Variants in CREB5 observed in about 807,000 individuals in gnomAD.
CREB5 encodes the protein cyclic AMP-responsive element-binding protein 5.
Under a neutral mutation model 57.1 loss-of-function variants are expected in CREB5, and 19 were observed. The ratio of observed to expected loss-of-function variants is 0.33; its 90% CI spans 0.23 to 0.49. The LOEUF (loss-of-function observed/expected upper bound fraction) is 0.49. CREB5 is among the 20% of genes least tolerant of loss of function. The probability of loss-of-function intolerance (pLI) is 0.99; values close to 1 mark genes in which losing one functional copy is unlikely to be tolerated. For synonymous variants in CREB5, 238 were observed against 238.3 expected (o/e 1.00, Z 0.01); for missense variants, 579 against 671.6 (o/e 0.86, Z 1.52).
chr7:28,768,311 C>CACTT (rs1342349497), intron 7 of CREB5, among the ~76,000 whole-genome samples: 1 of 152,088 alleles, frequency 6.6e-6, no homozygotes, highest in Non-Finnish European at 1.5e-5. Context: ...CAATTGGAGG[C>CACTT]ACTTACACCC....
intron 3 of CREB5, among the ~76,000 whole-genome samples, chr7:28,503,554 C>G (rs1292781709): frequency 6.6e-6 from 1 of 151,976 alleles, no homozygotes; most frequent in Non-Finnish European, 1.5e-5. Flanking sequence ...GGCCATGATT[C>G]ATAGAGAGGT....
intron 3 of CREB5, among the ~76,000 whole-genome samples, chr7:28,500,092 C>T (rs762484981): frequency 6.6e-6 from 1 of 152,196 alleles, no homozygotes; most frequent in African/African-American, 2.4e-5. Context: ...TTAATTGCTG[C>T]GTTGAACAAG....
chr7:28,317,389 T>A (rs1394154851), intron 1 of CREB5, among the ~76,000 whole-genome samples: 1 of 152,176 alleles, frequency 6.6e-6, no homozygotes, highest in African/African-American at 2.4e-5. Flanking sequence ...ACCTGGGGTA[T>A]CCCATAAACT....
At position 28,369,454 on chromosome 7, in the gene CREB5, C is replaced by G. The variant is rs112082271; in HGVS notation, c.-25+70013C>G. Among the ~76,000 whole-genome samples, 378 of 150,538 alleles carry G rather than the reference C, an allele frequency of 2.5e-3. 1 individual carries two copies. Among genetic ancestry groups the G allele is most frequent in the African/African-American group, 8.5e-3 (353 of 41,476 alleles). On this transcript the variant is annotated intron_variant, in intron 1 of 9. Transcript: ENST00000396299. Reference sequence around the variant, plus strand: ...ACCCCTGAGCTGTCAGTGTCCAGCTCTACGGACATTGTGGGCAAGTCACAT... The same window carrying G: ...ACCCCTGAGCTGTCAGTGTCCAGCTGTACGGACATTGTGGGCAAGTCACAT...
intron 2 of CREB5, among the ~76,000 whole-genome samples, chr7:28,490,774 T>C (rs1562753076): frequency 6.6e-6 from 1 of 152,268 alleles, no homozygotes; most frequent in Non-Finnish European, 1.5e-5. Context: ...TGGTTGAGAA[T>C]GACTACCCTC....
intron 5 of CREB5, among the ~76,000 whole-genome samples, chr7:28,703,323 G>C (rs904697360): frequency 1.3e-5 from 2 of 152,110 alleles, no homozygotes; most frequent in Non-Finnish European, 2.9e-5. Context: ...ATGATTAGAA[G>C]TACAAGATGA....
At chr7:28,619,402 C>T (rs2128684066) in intron 5 of CREB5, among the ~76,000 whole-genome samples, 1 of 152,348 alleles carries the variant, frequency 6.6e-6, no homozygotes, top group East Asian at 1.9e-4. Flanking sequence ...GGACAAATGT[C>T]TTCTCTTTTA....
chr7:28,749,916 T>A (rs1191641557), intron 7 of CREB5, among the ~76,000 whole-genome samples: 1 of 149,138 alleles, frequency 6.7e-6, no homozygotes. Flanking sequence ...GACATCATTC[T>A]TGGCAACTGA....
chr7:28,637,986 T>C (rs1218164872), intron 5 of CREB5, among the ~76,000 whole-genome samples: 3 of 152,180 alleles, frequency 2.0e-5, no homozygotes, highest in Non-Finnish European at 4.4e-5. Context: ...TCGTTTTTGG[T>C]GACTTAATAT....
rs2299112 is a variant in CREB5 at position 28,774,548 on chromosome 7, T to C, written c.703-29651T>C. On this transcript the variant is annotated intron_variant, in intron 7 of 10. Transcript: ENST00000357727. ...ACTGTTGCCATATGGTATTACATAA[T>C]TATTTTCCCTTTAGGTATAATTACA... is the stretch of plus-strand genomic sequence containing the variant. 1.3e-3 allele frequency among the ~76,000 whole-genome samples: 199 copies of C among 152,376 alleles called. 3 individuals carry two copies. In the East Asian group the frequency reaches 0.032, roughly 24 times the overall value.
At chr7:28,496,062 T>C (rs1286036310) in intron 3 of CREB5, among the ~76,000 whole-genome samples, 1 of 152,226 alleles carries the variant, frequency 6.6e-6, no homozygotes, top group East Asian at 1.9e-4. Flanking sequence ...TTGAACCTTT[T>C]TGGGCTTCAG....
intron 1 of CREB5, among the ~76,000 whole-genome samples, chr7:28,455,831 A>G (rs999169768): frequency 1.3e-5 from 2 of 152,220 alleles, no homozygotes; most frequent in African/African-American, 4.8e-5. Context: ...GCTCTGGCCA[A>G]GAGGGTTGGG....
intron 5 of CREB5, among the ~76,000 whole-genome samples, chr7:28,612,541 G>GA (rs1797430244): frequency 8.4e-6 from 1 of 118,660 alleles, no homozygotes; most frequent in Non-Finnish European, 1.7e-5. Flanking sequence ...ATTTAGAGAA[G>GA]GGGTGTGTGT....
chr7:28,557,595 G>A (rs1247450167), intron 4 of CREB5, among the ~76,000 whole-genome samples: 2 of 152,192 alleles, frequency 1.3e-5, no homozygotes, highest in Non-Finnish European at 2.9e-5. Flanking sequence ...AAATAAGGGT[G>A]AAATTGGTTT....
Position 28,718,845 on chromosome 7 carries a change from C to T in CREB5, c.557C>T (p.Pro186Leu). 1.2e-6 allele frequency: 2 copies of T among 1,614,132 alleles called. No homozygotes were observed. The highest frequency in any genetic ancestry group is 1.7e-6 in the Non-Finnish European group (2 of 1,179,976). The change falls in exon 6 of 11, where the codon CCT becomes CTT. Residue 186 changes from proline to leucine, a missense_variant. Around this residue, in one of 3 missense-constraint regions of CREB5, gnomAD observed 459 missense variants for 515.7 expected, o/e 0.89. Coordinates refer to ENST00000357727, the MANE Select transcript of CREB5 (RefSeq NM_182898.4). ...TCCATGCCTGGGACCCTGCCCAACC[C>T]TACAATGCCAGGATCTTCCGCCGTC... is the stretch of plus-strand genomic sequence containing the variant. ...PASMPGTLPNPTMPGSSAVLM... is the reference protein window; with the variant it reads ...PASMPGTLPNLTMPGSSAVLM...
chr7:28,500,713 A>G (rs1792239656), intron 3 of CREB5, among the ~76,000 whole-genome samples: 1 of 152,174 alleles, frequency 6.6e-6, no homozygotes, highest in South Asian at 2.1e-4. Flanking sequence ...AGAAGAGTCT[A>G]CTTAATAATC....
chr7:28,437,703 GA>G (rs1789016937), intron 1 of CREB5, among the ~76,000 whole-genome samples: 1 of 152,036 alleles, frequency 6.6e-6, no homozygotes, highest in Non-Finnish European at 1.5e-5. Flanking sequence ...TAAATAAATG[GA>G]ATTAGAACTA....
At chr7:28,540,146 C>T (rs541922449) in intron 4 of CREB5, among the ~76,000 whole-genome samples, 3 of 152,288 alleles carry the variant, frequency 2.0e-5, no homozygotes, top group African/African-American at 7.2e-5. Context: ...ATATCGACCA[C>T]CTGGTCTTTT....
At chr7:28,599,115 C>T (rs577190813) in intron 5 of CREB5, among the ~76,000 whole-genome samples, 2 of 152,218 alleles carry the variant, frequency 1.3e-5, no homozygotes, top group African/African-American at 4.8e-5. Context: ...TTCTTCCAAT[C>T]GTGTTGGTAA....
Sources: gnomAD v4.1 joint callset for allele counts (sites outside exome capture counted in the v4.1 genomes callset) on GRCh38, gnomAD v4.1.1 for gene constraint, gnomAD v4.1.1 regional missense constraint, MANE v1.5 for transcripts, NCBI Gene and HGNC (gene_info 2026-07-23, HGNC 2026-07-21) for gene names.